Variants in ERP44 observed in about 807,000 individuals in gnomAD.
ERP44 encodes the protein endoplasmic reticulum protein 44, also known as endoplasmic reticulum resident protein 44.
In ERP44, 25 loss-of-function variants were observed where a neutral mutation model predicts 53.4. That is an observed-to-expected ratio of 0.47 (90% CI 0.34 to 0.65). ERP44 has a LOEUF of 0.65. ERP44 is among the 30% of genes least tolerant of loss of function. ERP44 has a pLI of 0.01. For synonymous variants in ERP44, 145 were observed against 161.2 expected (o/e 0.90, Z 0.76); for missense variants, 338 against 493.2 (o/e 0.69, Z 2.98).
intron 10 of ERP44, chr9:99,998,351 T>C: frequency 1.8e-6 from 1 of 562,058 alleles, no homozygotes; most frequent in Non-Finnish European, 3.3e-6. Context: ...CCTTTTGCCT[T>C]GCAGTTCCTC....
Position 100,026,749 on chromosome 9 carries a change from G to A in ERP44, c.287-4523C>T, listed in dbSNP as rs117609032. On this transcript the variant is annotated intron_variant, in intron 4 of 11. Coordinates refer to ENST00000262455, the MANE Select transcript of ERP44 (RefSeq NM_015051.3). ...TAATAAAGGTAAACTAGCCTAGCTG[G>A]TGCCTACTTTGTCAACAAGAAGTCA... Among the ~76,000 whole-genome samples the A allele has an allele frequency of 8.8e-3, 1,343 of 152,290 alleles. 10 individuals carry two copies. The highest frequency in any genetic ancestry group is 0.034 in the Middle Eastern group (10 of 294).
chr9:99,994,499 G>A (rs766376083), intron 10 of ERP44, among the ~76,000 whole-genome samples: 3 of 152,096 alleles, frequency 2.0e-5, no homozygotes, highest in Non-Finnish European at 4.4e-5. Flanking sequence ...CCGGGGCCTG[G>A]TGTGGGGTGA....
intron 1 of ERP44, among the ~76,000 whole-genome samples, chr9:100,074,094 G>A (rs1282048831): frequency 6.6e-6 from 1 of 152,144 alleles, no homozygotes; most frequent in Non-Finnish European, 1.5e-5. Context: ...AAAAAGCCAT[G>A]ATCCATGCTT....
intron 2 of ERP44, among the ~76,000 whole-genome samples, chr9:100,058,440 G>A (rs1826108340): frequency 6.6e-6 from 1 of 152,126 alleles, no homozygotes; most frequent in East Asian, 1.9e-4. Context: ...AGGCAAGTAA[G>A]CTACGATCAT....
At position 99,980,932 on chromosome 9, in the gene ERP44, T is replaced by C. The variant is rs1441292966; in HGVS notation, c.*1680A>G. 1 of 152,260 alleles carries C rather than the reference T, an allele frequency of 6.6e-6. No homozygotes were observed. The highest frequency in any genetic ancestry group is 1.5e-5 in the Non-Finnish European group (1 of 68,056). 9.4% of individuals were successfully genotyped at this position (152,260 alleles called of 1,614,324 possible). ...CTAACCCTTGAATTGTATCTTTTGT[T>C]GATTATTTTTTCAAACCCAGTTACA... On this transcript the variant is annotated 3_prime_UTR_variant, in exon 12 of 12. Transcript: ENST00000262455.
chr9:100,080,637 G>T (rs1249691425), intron 1 of ERP44, among the ~76,000 whole-genome samples: 2 of 152,008 alleles, frequency 1.3e-5, no homozygotes, highest in Non-Finnish European at 2.9e-5. Flanking sequence ...TACAGACAGG[G>T]CCAAAAAAAG....
chr9:100,002,252 T>C (rs920174589), intron 10 of ERP44, among the ~76,000 whole-genome samples: 10 of 152,184 alleles, frequency 6.6e-5, no homozygotes, highest in Admixed American at 6.5e-5. Flanking sequence ...ATTTTAATAG[T>C]TCTGTCTTTT....
rs1168903331 is a variant in ERP44 at position 100,043,291 on chromosome 9, A to AAAAAAAAAAAAG, written c.286+9125_286+9126insCTTTTTTTTTTT. 5.2e-3 allele frequency among the ~76,000 whole-genome samples: 389 copies of AAAAAAAAAAAAG among 74,904 alleles called. 114 individuals carry two copies. Among genetic ancestry groups the AAAAAAAAAAAAG allele is most frequent in the East Asian group, 0.014 (25 of 1,780 alleles). 49.1% of individuals were successfully genotyped at this position (74,904 alleles called of 152,430 possible). On this transcript the variant is annotated intron_variant, in intron 4 of 11. Coordinates refer to ENST00000262455, the MANE Select transcript of ERP44 (RefSeq NM_015051.3). ...AAAAAAAAAAAAAAAAAAAAAAAAA[A>AAAAAAAAAAAAG]GATAAATAAGACATAGTATTTGCTA...
chr9:100,050,432 G>GA (rs995927575), intron 4 of ERP44, among the ~76,000 whole-genome samples: 129 of 147,488 alleles, frequency 8.7e-4, no homozygotes, highest in Middle Eastern at 3.5e-3. Context: ...AAATGGTTAG[G>GA]AAAAAAAAAA....
intron 10 of ERP44, among the ~76,000 whole-genome samples, chr9:100,001,316 G>T (rs1830374534): frequency 6.6e-6 from 1 of 152,104 alleles, no homozygotes; most frequent in Non-Finnish European, 1.5e-5. Flanking sequence ...TGTGTATCTT[G>T]CTTCAGTTGA....
At chr9:100,055,267 T>C (rs1179042780) in intron 3 of ERP44, among the ~76,000 whole-genome samples, 1 of 152,246 alleles carries the variant, frequency 6.6e-6, no homozygotes, top group Non-Finnish European at 1.5e-5. Context: ...AAATGTATTG[T>C]ACATTTTTAA....
rs375935929 is a variant in ERP44 at position 100,067,810 on chromosome 9, C to T, written c.58-7638G>A. Among the ~76,000 whole-genome samples the T allele has an allele frequency of 7.6e-4, 115 of 151,628 alleles. 3 individuals are homozygous for T. In the East Asian group the frequency reaches 0.018, roughly 24 times the overall value. ...GGAGCGTCTCTGCCCAGCCGCCCAT[C>T]GTCTGAGATGTGGGGAGCGTCTCTG... On this transcript the variant is annotated intron_variant, in intron 1 of 11. Coordinates refer to ENST00000262455, the MANE Select transcript of ERP44 (RefSeq NM_015051.3).
intron 1 of ERP44, among the ~76,000 whole-genome samples, chr9:100,071,714 G>GT (rs948278953): frequency 1.2e-4 from 19 of 152,262 alleles, no homozygotes; most frequent in African/African-American, 4.6e-4. Context: ...GAGGTCAGGA[G>GT]TTTGAGAGCA....
At chr9:100,036,819 TAG>T (rs973582665) in intron 4 of ERP44, among the ~76,000 whole-genome samples, 1 of 150,952 alleles carries the variant, frequency 6.6e-6, no homozygotes, top group African/African-American at 2.4e-5. Context: ...CTCATATAAG[TAG>T]AGAGTAGAAC....
chr9:99,986,218 T>C (rs1587953090), intron 10 of ERP44, among the ~76,000 whole-genome samples: 1 of 152,258 alleles, frequency 6.6e-6, no homozygotes. Context: ...AGTTGGTTTT[T>C]ACTATCTGTC....
intron 1 of ERP44, among the ~76,000 whole-genome samples, chr9:100,082,755 GAA>G (rs5899401): frequency 3.3e-4 from 49 of 146,858 alleles, no homozygotes; most frequent in South Asian, 6.4e-4. Flanking sequence ...CCTACTGTAG[GAA>G]AAAAAAAAAA....
intron 1 of ERP44, among the ~76,000 whole-genome samples, chr9:100,093,642 G>T (rs919984344): frequency 4.9e-5 from 7 of 141,780 alleles, no homozygotes; most frequent in South Asian, 4.6e-4. Flanking sequence ...GACCCTGTCT[G>T]TGGGGGGGGA....
intron 10 of ERP44, among the ~76,000 whole-genome samples, chr9:99,993,602 G>A (rs145584952): frequency 0.013 from 1,990 of 152,256 alleles, 35 homozygotes; most frequent in African/African-American, 0.046. Context: ...ATAGGCATGG[G>A]CAAGGACTTT....
intron 8 of ERP44, 148 bp downstream of exon 8, chr9:100,016,174 T>G (rs1296351594): frequency 2.5e-6 from 3 of 1,220,678 alleles, no homozygotes; most frequent in Admixed American, 3.0e-5. Flanking sequence ...ATCACTGGTG[T>G]ATATTACAGA....
Sources: allele counts gnomAD v4.1 joint callset (sites outside exome capture counted in the v4.1 genomes callset), GRCh38; gene constraint gnomAD v4.1.1; transcripts MANE v1.5; gene names NCBI Gene and HGNC (gene_info 2026-07-23, HGNC 2026-07-21).